The following PTPRT variants were observed in gnomAD, a reference collection of about 807,000 sequenced individuals.
The protein encoded by PTPRT is protein tyrosine phosphatase receptor type T, also known as receptor-type tyrosine-protein phosphatase T.
PTPRT carries 56 observed loss-of-function variants against 176.8 expected under a neutral mutation model. That is an observed-to-expected ratio of 0.32 (90% CI 0.26 to 0.40). The LOEUF (loss-of-function observed/expected upper bound fraction) is 0.40, where lower values mean the gene tolerates loss of function less well. Ranked by LOEUF, PTPRT falls within the 10% of genes least tolerant of loss-of-function variation. The pLI, the probability that PTPRT is intolerant of heterozygous loss-of-function variation, is 1.00. For synonymous variants in PTPRT, 783 were observed against 739.0 expected, an observed-to-expected ratio of 1.06 and a Z score of -0.96; for missense variants, 1,540 against 1,908.2, an observed-to-expected ratio of 0.81 and a Z score of 3.60.
intron 1 of PTPRT, among the ~76,000 whole-genome samples, chr20:42,939,204 C>T (rs1055553747): frequency 2.6e-5 from 4 of 152,152 alleles, no homozygotes; most frequent in African/African-American, 4.8e-5. Context: ...TTAAACATTT[C>T]GTCAATTTCA....
chr20:42,032,112 T>C, the PTPRT span, among the ~76,000 whole-genome samples: 1 of 152,020 alleles, frequency 6.6e-6, no homozygotes, highest in African/African-American at 2.4e-5. Flanking sequence ...ACAGAATGCC[T>C]TTTTTTAAAC....
chr20:42,270,524 G>A (rs375195845), intron 13 of PTPRT: 40 of 1,365,578 alleles, frequency 2.9e-5, no homozygotes, highest in Non-Finnish European at 3.4e-5. Context: ...ACATGAAAAC[G>A]TGCAGCACGG....
In PTPRT at chr20:42,315,693, A is replaced by G; in HGVS notation, c.2139+30T>C. ...GAGAATGAAAAAATGCAAACAAGGC[A>G]AGGAATGGCCTCCATGTGGCCATAC... is the stretch of plus-strand genomic sequence containing the variant. On this transcript the variant is annotated intron_variant, in intron 12 of 30. Transcript: ENST00000373187. The G allele has an allele frequency of 1.9e-6, 3 of 1,600,580 alleles. No homozygotes were observed. In the South Asian group the frequency reaches 3.3e-5, roughly 18 times the overall value.
intron 6 of PTPRT, among the ~76,000 whole-genome samples, chr20:42,749,305 T>C (rs973558495): frequency 6.6e-6 from 1 of 152,068 alleles, no homozygotes; most frequent in African/African-American, 2.4e-5. Flanking sequence ...ACTCAGTGTC[T>C]CAAAACTAAC....
chr20:43,045,454 C>CTTT (rs1177406632), intron 1 of PTPRT, among the ~76,000 whole-genome samples: 13 of 119,328 alleles, frequency 1.1e-4, no homozygotes, highest in African/African-American at 3.0e-4. Flanking sequence ...TTCTTTTTTT[C>CTTT]ATTTTTTTTT....
At chr20:42,233,751 TTGG>T (rs949385205) in intron 15 of PTPRT, among the ~76,000 whole-genome samples, 3 of 151,894 alleles carry the variant, frequency 2.0e-5, no homozygotes, top group African/African-American at 7.3e-5. Flanking sequence ...GGCCTTGGGG[TTGG>T]TGAATATAAA....
At chr20:43,014,717 T>G (rs1427360912) in intron 1 of PTPRT, among the ~76,000 whole-genome samples, 1 of 152,194 alleles carries the variant, frequency 6.6e-6, no homozygotes, top group African/African-American at 2.4e-5. Context: ...AAAACAGGCT[T>G]AATCGAGCAG....
intron 15 of PTPRT, among the ~76,000 whole-genome samples, chr20:42,224,608 C>A (rs2055962401): frequency 6.6e-6 from 1 of 152,146 alleles, no homozygotes; most frequent in Non-Finnish European, 1.5e-5. Flanking sequence ...ATTCTCAAGC[C>A]CTTCCAGATG....
intron 9 of PTPRT, among the ~76,000 whole-genome samples, chr20:42,409,628 GTC>G (rs1462407035): frequency 1.3e-5 from 2 of 151,864 alleles, no homozygotes; most frequent in Admixed American, 6.6e-5. Context: ...AATAAATTGT[GTC>G]TCTATTTTGT....
At position 42,455,663 on chromosome 20, in the gene PTPRT, C is replaced by T. The variant is rs144819338; in HGVS notation, c.1451-7334G>A. On this transcript the variant is annotated intron_variant, in intron 8 of 30. Transcript: ENST00000373187. ...AGGAATCCAATTTTAATTATTTCTC[C>T]TCATCCTAGGGAGATTGAAAAAATA... is the stretch of plus-strand genomic sequence containing the variant. Among the ~76,000 whole-genome samples the T allele has an allele frequency of 4.9e-3, 743 of 152,182 alleles. 8 individuals carry two copies. Among genetic ancestry groups the T allele is most frequent in the African/African-American group, 0.017 (711 of 41,546 alleles).
chr20:42,521,954 T>C (rs2072184485), intron 7 of PTPRT, among the ~76,000 whole-genome samples: 1 of 152,046 alleles, frequency 6.6e-6, no homozygotes, highest in Admixed American at 6.6e-5. Flanking sequence ...GTGTTGGCAA[T>C]CCAGGTTGGT....
chr20:42,977,708 G>A (rs1336656379), intron 1 of PTPRT, among the ~76,000 whole-genome samples: 3 of 152,092 alleles, frequency 2.0e-5, no homozygotes, highest in African/African-American at 7.2e-5. Context: ...AGTATTACTT[G>A]TAATTATCAT....
At chr20:43,019,444 C>A (rs1985543429) in intron 1 of PTPRT, among the ~76,000 whole-genome samples, 1 of 151,806 alleles carries the variant, frequency 6.6e-6, no homozygotes, top group Non-Finnish European at 1.5e-5. Context: ...CATGGTGAAA[C>A]CCCATCTCTA....
At chr20:42,305,094 T>A (rs1193715197) in intron 12 of PTPRT, among the ~76,000 whole-genome samples, 1 of 152,198 alleles carries the variant, frequency 6.6e-6, no homozygotes, top group Admixed American at 6.5e-5. Flanking sequence ...GGCTCCTGCT[T>A]GTAATCCCAG....
downstream of PTPRT, among the ~76,000 whole-genome samples, chr20:42,071,799 G>A (rs1389461939): frequency 1.3e-5 from 2 of 152,156 alleles, no homozygotes; most frequent in African/African-American, 2.4e-5. Context: ...TGGGACTACA[G>A]GTGTGTGCCA....
chr20:42,805,870 GTGC>G (rs766250517), intron 2 of PTPRT, among the ~76,000 whole-genome samples: 1 of 152,016 alleles, frequency 6.6e-6, no homozygotes, highest in Non-Finnish European at 1.5e-5. Context: ...CTGTGGACCG[GTGC>G]TTCTCATCTT....
intron 27 of PTPRT, among the ~76,000 whole-genome samples, chr20:42,096,535 G>A (rs188234378): frequency 2.2e-3 from 337 of 152,160 alleles, no homozygotes; most frequent in African/African-American, 7.9e-3. Flanking sequence ...CCTGGGAGGC[G>A]GAGGTTGCAG....
chr20:42,979,401 T>G (rs1220138595), intron 1 of PTPRT, among the ~76,000 whole-genome samples: 1 of 152,218 alleles, frequency 6.6e-6, no homozygotes, highest in Non-Finnish European at 1.5e-5. Context: ...AACTCCATTA[T>G]CCTTTCTCAT....
intron 12 of PTPRT, among the ~76,000 whole-genome samples, chr20:42,290,218 C>T (rs1050387187): frequency 2.6e-5 from 4 of 152,094 alleles, no homozygotes; most frequent in Non-Finnish European, 5.9e-5. Context: ...CTACTATACC[C>T]TAATTCCAGG....
Sources: gnomAD v4.1 joint callset for allele counts (sites outside exome capture counted in the v4.1 genomes callset) on GRCh38, gnomAD v4.1.1 for gene constraint, MANE v1.5 for transcripts, NCBI Gene and HGNC (gene_info 2026-07-23, HGNC 2026-07-21) for gene names.